The following PHF21A variants were observed in gnomAD, a reference collection of about 807,000 sequenced individuals.
The protein encoded by PHF21A is BHC80a.
Under a neutral mutation model 82.5 loss-of-function variants are expected in PHF21A, and 11 were observed. The ratio of observed to expected loss-of-function variants is 0.13; its 90% CI spans 0.08 to 0.22. The LOEUF (loss-of-function observed/expected upper bound fraction) is 0.22. PHF21A is among the 10% of genes least tolerant of loss of function. The pLI, the probability that PHF21A is intolerant of heterozygous loss-of-function variation, is 1.00. For synonymous variants in PHF21A, 297 were observed against 302.8 expected (o/e 0.98, Z 0.20); for missense variants, 579 against 837.8 (o/e 0.69, Z 3.81).
At chr11:46,084,475 C>T (rs1040882827) in intron 3 of PHF21A, among the ~76,000 whole-genome samples, 173 bp from the exon 4 acceptor site, 3 of 151,972 alleles carry the variant, frequency 2.0e-5, no homozygotes, top group African/African-American at 7.3e-5. Context: ...CTAAAGAACA[C>T]TTCAAATAAC....
chr11:46,028,613 G>A (rs567942197), intron 6 of PHF21A, among the ~76,000 whole-genome samples: 6 of 129,532 alleles, frequency 4.6e-5, no homozygotes, highest in African/African-American at 1.5e-4. Flanking sequence ...TCGTTCTGTC[G>A]CCCAGGCTGG....
At chr11:46,018,461 A>T (rs561604070) in intron 6 of PHF21A, among the ~76,000 whole-genome samples, 126 of 152,318 alleles carry the variant, frequency 8.3e-4, no homozygotes, top group African/African-American at 2.6e-3. Context: ...TATAGGGGAA[A>T]AAGAAAAGAA....
At chr11:46,100,221 T>C (rs1249815703) in intron 1 of PHF21A, among the ~76,000 whole-genome samples, 1 of 151,882 alleles carries the variant, frequency 6.6e-6, no homozygotes, top group African/African-American at 2.4e-5. Flanking sequence ...AGACCAAAAA[T>C]ATGTTATGTT....
intron 6 of PHF21A, among the ~76,000 whole-genome samples, chr11:46,031,602 T>A (rs1173994777): frequency 3.3e-5 from 5 of 152,212 alleles, no homozygotes; most frequent in Non-Finnish European, 7.3e-5. Flanking sequence ...TAAACATGCA[T>A]AATTAGGCAG....
chr11:45,968,346 A>G (rs957007299), intron 9 of PHF21A, among the ~76,000 whole-genome samples: 1 of 152,200 alleles, frequency 6.6e-6, no homozygotes, highest in Admixed American at 6.5e-5. Context: ...ATAGCCTACA[A>G]GGTTCCACCA....
chr11:46,023,116 T>C (rs2095663959), intron 6 of PHF21A, among the ~76,000 whole-genome samples: 1 of 152,106 alleles, frequency 6.6e-6, no homozygotes, highest in African/African-American at 2.4e-5. Flanking sequence ...GTGGACAATC[T>C]GGAAAAGGAA....
intron 7 of PHF21A, among the ~76,000 whole-genome samples, chr11:45,977,230 G>A (rs942078506): frequency 1.3e-5 from 2 of 149,538 alleles, no homozygotes; most frequent in South Asian, 2.1e-4. Flanking sequence ...TCTGTTGCCC[G>A]GGTTCAAGTG....
intron 10 of PHF21A, among the ~76,000 whole-genome samples, chr11:45,959,956 T>C (rs1022079715): frequency 5.3e-5 from 8 of 152,180 alleles, no homozygotes; most frequent in African/African-American, 1.7e-4. Context: ...GCATCATTAG[T>C]CATTAGGGAA....
At chr11:46,087,766 T>G (rs528570417) in intron 3 of PHF21A, among the ~76,000 whole-genome samples, 1 of 152,102 alleles carries the variant, frequency 6.6e-6, no homozygotes, top group Admixed American at 6.5e-5. Flanking sequence ...TGAAAAAATT[T>G]TTTTCCTGAG....
At chr11:46,105,887 A>G (rs1189659993) in intron 1 of PHF21A, among the ~76,000 whole-genome samples, 1 of 152,238 alleles carries the variant, frequency 6.6e-6, no homozygotes, top group African/African-American at 2.4e-5. Flanking sequence ...AAACATGACT[A>G]TTGCAGTATA....
At chr11:46,077,213 T>C (rs780613105) in intron 5 of PHF21A, among the ~76,000 whole-genome samples, 2 of 152,252 alleles carry the variant, frequency 1.3e-5, no homozygotes, top group African/African-American at 4.8e-5. Flanking sequence ...CTACATGCTT[T>C]ACAGCATTAT....
intron 6 of PHF21A, among the ~76,000 whole-genome samples, chr11:46,028,811 G>A (rs758855518): frequency 1.3e-5 from 2 of 151,640 alleles, no homozygotes; most frequent in Non-Finnish European, 2.9e-5. Flanking sequence ...TGACCTCATC[G>A]TCCACTCGCC....
In PHF21A at chr11:45,945,966, T is replaced by G. The variant is rs2091228358; in HGVS notation, c.1326A>C (p.Gly442=). 1 of 1,613,486 alleles carries G rather than the reference T, an allele frequency of 6.2e-7. No homozygotes were observed. The change falls in exon 15 of 19, where the codon GGA becomes GGC. Residue 442 remains glycine, a synonymous_variant. Transcript: ENST00000676320. ...PPKYNAVLGF[G]ALTPTSPQSS... ...ATTGGGGGGATGTTGGGGTAAGGGC[T>G]CCAAACCCCAGCACTGCATTGTATT...
intron 1 of PHF21A, among the ~76,000 whole-genome samples, chr11:46,109,741 G>C (rs1196854830): frequency 6.6e-6 from 1 of 152,080 alleles, no homozygotes; most frequent in East Asian, 1.9e-4. Context: ...CAGCACTTTG[G>C]GAAGGTGAGG....
At chr11:46,047,267 C>T (rs1023856313) in intron 6 of PHF21A, among the ~76,000 whole-genome samples, 2 of 152,112 alleles carry the variant, frequency 1.3e-5, no homozygotes, top group African/African-American at 4.8e-5. Flanking sequence ...GTGCTTTGAA[C>T]TCCTTAGTGA....
chr11:45,933,165 C>A lies in PHF21A; in HGVS notation c.*803G>T, dbSNP rs1206017603. 1 of 152,560 alleles carries A rather than the reference C, an allele frequency of 6.6e-6. No homozygotes were observed. The highest frequency in any genetic ancestry group is 1.5e-5 in the Non-Finnish European group (1 of 68,036). The allele number at this position is 152,560 out of a possible 1,614,324, so 9.5% of individuals were successfully genotyped here. A position where few individuals can be genotyped will look rare whatever the true frequency, so the allele number is the denominator to read the frequency against. On this transcript the variant is annotated 3_prime_UTR_variant, in exon 19 of 19. Transcript: ENST00000676320. ...ACACATCCTTCTTCCCTGCCTTGGG[C>A]AAGGGCCAGTGGCCCGGGCTCTGCT...
At chr11:46,032,418 T>C (rs551707889) in intron 6 of PHF21A, among the ~76,000 whole-genome samples, 1 of 152,326 alleles carries the variant, frequency 6.6e-6, no homozygotes, top group African/African-American at 2.4e-5. Context: ...TACATTTCCA[T>C]GTGAAAATCA....
intron 17 of PHF21A, 144 bp from the exon 18 acceptor site, chr11:45,935,883 A>G (rs2088871021): frequency 1.6e-6 from 1 of 607,316 alleles, no homozygotes; most frequent in Non-Finnish European, 2.9e-6. Context: ...GAATCTGCCC[A>G]CCTGGACTTT....
chr11:46,092,276 CAT>C (rs2096934471), intron 1 of PHF21A, 53 bp from the exon 2 acceptor site: 1 of 151,894 alleles, frequency 6.6e-6, no homozygotes, highest in Non-Finnish European at 1.5e-5. Context: ...ATATTTATGA[CAT>C]GTCATTAAAA....
Sources: gnomAD v4.1 joint callset for allele counts (sites outside exome capture counted in the v4.1 genomes callset) on GRCh38, gnomAD v4.1.1 for gene constraint, MANE v1.5 for transcripts, NCBI Gene and HGNC (gene_info 2026-07-23, HGNC 2026-07-21) for gene names.